The following GLUD1 variants were observed in gnomAD, a reference collection of about 807,000 sequenced individuals.
GLUD1 encodes the protein glutamate dehydrogenase 1.
Under a neutral mutation model 56.0 loss-of-function variants are expected in GLUD1, and 22 were observed. The ratio of observed to expected loss-of-function variants is 0.39; its 90% CI spans 0.28 to 0.56. GLUD1 has a LOEUF of 0.56. GLUD1 is among the 20% of genes least tolerant of loss of function. The probability of loss-of-function intolerance (pLI) is 0.58; values close to 1 mark genes in which losing one functional copy is unlikely to be tolerated. For synonymous variants in GLUD1, 223 were observed against 269.9 expected (o/e 0.83, Z 1.70); for missense variants, 451 against 732.0 (o/e 0.62, Z 4.43).
At chr10:87,067,916 A>C in intron 5 of GLUD1, 147 bp downstream of exon 5, 1 of 665,230 alleles carries the variant, frequency 1.5e-6, no homozygotes, top group South Asian at 1.5e-5. Flanking sequence ...AAGAATAGAC[A>C]AGTAGACATA....
At chr10:87,057,874 C>T in intron 10 of GLUD1, 92 bp from the exon 11 acceptor site, 1 of 740,016 alleles carries the variant, frequency 1.4e-6, no homozygotes, top group East Asian at 2.6e-5. Context: ...TAACTGTAAC[C>T]CAAAAACTTA....
At chr10:87,067,018 C>A (rs1846096148) in intron 5 of GLUD1, among the ~76,000 whole-genome samples, 1 of 152,166 alleles carries the variant, frequency 6.6e-6, no homozygotes, top group South Asian at 2.1e-4. Flanking sequence ...CTGTCATGTG[C>A]CTCACATGTG....
rs555551007 is a variant in GLUD1, at chr10:87,050,546, A to G, written c.*1205T>C. The G allele has an allele frequency of 6.6e-6, 1 of 152,286 alleles. No homozygotes were observed. The highest frequency in any genetic ancestry group is 6.5e-5 in the Admixed American group (1 of 15,294). 9.4% of individuals were successfully genotyped at this position (152,286 alleles called of 1,614,324 possible). A position where few individuals can be genotyped will look rare whatever the true frequency, so the allele number is the denominator to read the frequency against. ...TCACCAGGTTAAGCCATGCAGTTAC[A>G]AAGTAGTTAGAAATTTCTGAAGGGT... On this transcript the variant is annotated 3_prime_UTR_variant, in exon 13 of 13. Coordinates refer to ENST00000277865, the MANE Select transcript of GLUD1 (RefSeq NM_005271.5).
intron 1 of GLUD1, among the ~76,000 whole-genome samples, chr10:87,086,436 T>C (rs1424037830): frequency 6.6e-6 from 1 of 152,180 alleles, no homozygotes; most frequent in Admixed American, 6.6e-5. Context: ...TCTTTTTCAT[T>C]CTCTGCTATT....
rs776352597 is a variant in GLUD1, at chr10:87,051,576, C to T, written c.*175G>A. 52 of 779,260 alleles carry T rather than the reference C, an allele frequency of 6.7e-5. No homozygotes were observed. The highest frequency in any genetic ancestry group is 2.0e-4 in the South Asian group (14 of 68,440). 48.3% of individuals were successfully genotyped at this position (779,260 alleles called of 1,614,324 possible). ...TTTCACACTCAGCTTGTACATGATC[C>T]GCTAACCTTAATTTCTTTCTCCTTA... On this transcript the variant is annotated 3_prime_UTR_variant, in exon 13 of 13. Transcript: ENST00000277865.
rs1397582516 is a variant in GLUD1 at position 87,057,674 on chromosome 10, G to A, written c.1494+17C>T. The A allele has an allele frequency of 7.0e-6, 9 of 1,285,588 alleles. No individual in the cohort carries two copies. Among genetic ancestry groups the A allele is most frequent in the Non-Finnish European group, 8.0e-6 (7 of 880,102 alleles). The allele number at this position is 1,285,588 out of a possible 1,614,324, so 79.6% of individuals were successfully genotyped here. ...GGGAGCATGTGTGAAGTACAACTGT[G>A]GGGTCACCACACTCACCGATATCCT... On this transcript the variant is annotated intron_variant, in intron 11 of 12. Coordinates refer to ENST00000277865, the MANE Select transcript of GLUD1 (RefSeq NM_005271.5).
chr10:87,090,465 C>A lies in GLUD1; in HGVS notation c.445+3860G>T, dbSNP rs188101269. Among the ~76,000 whole-genome samples the A allele has an allele frequency of 2.4e-3, 367 of 152,298 alleles. 2 individuals carry two copies. Among genetic ancestry groups the A allele is most frequent in the African/African-American group, 8.4e-3 (348 of 41,556 alleles). ...CAAAAGCAAACTTGCTAAATGGATT[C>A]ATACACGCAAGTGACAGAAAGACTG... is the stretch of plus-strand genomic sequence containing the variant. On this transcript the variant is annotated intron_variant, in intron 1 of 12. Coordinates refer to ENST00000277865, the MANE Select transcript of GLUD1 (RefSeq NM_005271.5).
chr10:87,089,107 G>T (rs1841454408), intron 1 of GLUD1, among the ~76,000 whole-genome samples: 1 of 152,238 alleles, frequency 6.6e-6, no homozygotes, highest in Non-Finnish European at 1.5e-5. Context: ...TTTCTAGGAA[G>T]AAGGTAGGTC....
At chr10:87,058,675 G>A (rs1845850731) in intron 10 of GLUD1, among the ~76,000 whole-genome samples, 1 of 152,158 alleles carries the variant, frequency 6.6e-6, no homozygotes, top group South Asian at 2.1e-4. Context: ...GGCGGATCAT[G>A]AGGTCAGGAG....
intron 1 of GLUD1, among the ~76,000 whole-genome samples, chr10:87,080,653 G>A (rs1274045153): frequency 6.7e-6 from 1 of 150,028 alleles, no homozygotes; most frequent in South Asian, 2.1e-4. Flanking sequence ...GGTGAGGAGC[G>A]TCTCTGCCCA....
At chr10:87,093,521 C>T (rs1331721991) in intron 1 of GLUD1, among the ~76,000 whole-genome samples, 1 of 152,150 alleles carries the variant, frequency 6.6e-6, no homozygotes. Context: ...TATCTGACCC[C>T]TTTCTTCACG....
At chr10:87,088,893 T>G (rs1841449189) in intron 1 of GLUD1, among the ~76,000 whole-genome samples, 1 of 152,254 alleles carries the variant, frequency 6.6e-6, no homozygotes, top group Non-Finnish European at 1.5e-5. Context: ...AGAAATGAGT[T>G]GTTCTGGCTA....
At chr10:87,078,787 G>A (rs1410993843) in intron 1 of GLUD1, among the ~76,000 whole-genome samples, 1 of 152,178 alleles carries the variant, frequency 6.6e-6, no homozygotes, top group African/African-American at 2.4e-5. Flanking sequence ...GCCTCAATTA[G>A]AAGGAATAAG....
chr10:87,080,219 C>T (rs182892883), intron 1 of GLUD1, among the ~76,000 whole-genome samples: 48 of 152,204 alleles, frequency 3.2e-4, no homozygotes, highest in Middle Eastern at 3.4e-3. Flanking sequence ...GGATTGCAGA[C>T]GGTGTCTGGT....
chr10:87,052,256 G>A lies in GLUD1; in HGVS notation c.1558-386C>T, dbSNP rs143362030. ...AATCCCAGCACTTTGGGAGGCTGAG[G>A]CAGGTGGATCACTTGAGGTCAGGAG... On this transcript the variant is annotated intron_variant, in intron 12 of 12. Coordinates refer to ENST00000277865, the MANE Select transcript of GLUD1 (RefSeq NM_005271.5). Among the ~76,000 whole-genome samples the A allele has an allele frequency of 2.6e-4, 39 of 152,286 alleles. No individual in the cohort carries two copies. The East Asian group carries it at 6.8e-3, about 26-fold the overall frequency.
chr10:87,059,846 G>C (rs1054194476), intron 9 of GLUD1, among the ~76,000 whole-genome samples: 5 of 152,126 alleles, frequency 3.3e-5, no homozygotes, highest in Non-Finnish European at 7.4e-5. Context: ...AAATGCATAA[G>C]GTTAGGAATC....
chr10:87,083,958 G>C (rs1048167903), intron 1 of GLUD1, among the ~76,000 whole-genome samples: 5 of 152,212 alleles, frequency 3.3e-5, no homozygotes, highest in Admixed American at 3.3e-4. Flanking sequence ...TTAACAAAGA[G>C]CAGGAGTCCA....
intron 5 of GLUD1, among the ~76,000 whole-genome samples, chr10:87,063,065 T>G (rs4933427): frequency 0.31 from 45,201 of 145,694 alleles, 7,129 homozygotes; most frequent in Middle Eastern, 0.38. Flanking sequence ...CTGTTTTTTT[T>G]TTTGTTTGTT....
At chr10:87,065,776 A>T in intron 5 of GLUD1, among the ~76,000 whole-genome samples, 1 of 152,206 alleles carries the variant, frequency 6.6e-6, no homozygotes, top group East Asian at 1.9e-4. Context: ...TTCTAGGTGC[A>T]TTAGATTATT....
Sources: gnomAD v4.1 joint callset for allele counts (sites outside exome capture counted in the v4.1 genomes callset) on GRCh38, gnomAD v4.1.1 for gene constraint, MANE v1.5 for transcripts, NCBI Gene and HGNC (gene_info 2026-07-23, HGNC 2026-07-21) for gene names.